Variants in DUXB observed in about 807,000 individuals in gnomAD.
DUXB encodes double homeobox B.
Under a neutral mutation model 8.9 loss-of-function variants are expected in DUXB, and 22 were observed. The observed-to-expected ratio is 2.46, with a 90% CI of 1.76 to 3.52. DUXB has a LOEUF of 3.52. DUXB is among the 30% of genes most tolerant of loss of function. DUXB has a pLI of 0.00. For synonymous variants in DUXB, 84 were observed against 37.6 expected (o/e 2.23, Z -4.52); for missense variants, 237 against 108.7 (o/e 2.18, Z -5.25).
intron 1 of DUXB, among the ~76,000 whole-genome samples, chr16:75,700,463 T>A (rs1032887278): frequency 2.6e-5 from 4 of 151,896 alleles, no homozygotes; most frequent in Non-Finnish European, 5.9e-5. Context: ...AACTCCTGGG[T>A]TCAATTGATC....
intron 4 of DUXB, 23 bp from the exon 5 acceptor site, chr16:75,694,548 T>C (rs1462506963): frequency 2.8e-6 from 2 of 702,902 alleles, no homozygotes; most frequent in Non-Finnish European, 2.6e-6. Flanking sequence ...AAGGGCAACA[T>C]GACATCATAA....
At chr16:75,701,320 T>A in intron 1 of DUXB, 74 bp downstream of exon 1, 1 of 398,484 alleles carries the variant, frequency 2.5e-6, no homozygotes, top group Non-Finnish European at 4.4e-6. Context: ...TGCTATAAAC[T>A]TTGACAAACT....
rs1236264409 is a variant in DUXB at position 75,696,870 on chromosome 16, TG to T, written c.253del (p.Gln85ArgfsTer9). On this transcript the variant is annotated frameshift_variant, in exon 3 of 5. Transcript: ENST00000633875. LOFTEE classifies it high-confidence loss of function. ...CAGATGCTGGGACTGGTCATGCCCC[TG>T]GGTTTGATCTTTTTCTGAGAAGCAC... ...YKCFSEKDQT[Q>X]GHDQSQHLTQ... The T allele has an allele frequency of 5.7e-6, 4 of 702,996 alleles. No homozygotes were observed. Among genetic ancestry groups the T allele is most frequent in the Non-Finnish European group, 7.8e-6 (3 of 385,004 alleles). 43.5% of individuals were successfully genotyped at this position (702,996 alleles called of 1,614,324 possible).
At chr16:75,699,931 T>C in intron 2 of DUXB, 84 bp downstream of exon 2, 1 of 579,678 alleles carries the variant, frequency 1.7e-6, no homozygotes, top group East Asian at 2.9e-5. Flanking sequence ...TAACCTGATA[T>C]AAGAGAATTG....
chr16:75,694,631 A>G (rs2082591071), intron 4 of DUXB, 106 bp from the exon 5 acceptor site: 3 of 651,850 alleles, frequency 4.6e-6, no homozygotes, highest in Non-Finnish European at 8.2e-6. Flanking sequence ...GACAAATCAC[A>G]GGGTGATTTT....
In DUXB at chr16:75,696,122, G is replaced by A. The variant is rs762889849; in HGVS notation, c.287-7C>T. 5 of 684,574 alleles carry A rather than the reference G, an allele frequency of 7.3e-6. No homozygotes were observed. The highest frequency in any genetic ancestry group is 2.8e-5 in the East Asian group (1 of 36,106). The allele number at this position is 684,574 out of a possible 1,614,324, so 42.4% of individuals were successfully genotyped here. A position where few individuals can be genotyped will look rare whatever the true frequency, so the allele number is the denominator to read the frequency against. ...GCTTCTTTAGGTAAGTATTCTAAAG[G>A]AGAACACAGAAGCTGTTGGGGAATT... is the stretch of plus-strand genomic sequence containing the variant. On this transcript the variant is annotated splice_polypyrimidine_tract_variant and splice_region_variant and intron_variant, in intron 3 of 4. Coordinates refer to ENST00000633875, the MANE Select transcript of DUXB (RefSeq NM_001351307.2).
intron 1 of DUXB, among the ~76,000 whole-genome samples, chr16:75,700,708 C>T (rs958610690): frequency 3.3e-5 from 5 of 151,842 alleles, no homozygotes; most frequent in East Asian, 1.9e-4. Context: ...AGGGTTTCAC[C>T]GTGTTAGCCA....
intron 2 of DUXB, 127 bp downstream of exon 2, chr16:75,699,888 A>T (rs1293402878): frequency 3.9e-6 from 2 of 514,790 alleles, no homozygotes; most frequent in African/African-American, 3.9e-5. Flanking sequence ...ATTTTGTAGA[A>T]CAGGAAAACG....
At chr16:75,700,263 C>A in intron 1 of DUXB, 94 bp from the exon 2 acceptor site, 1 of 588,868 alleles carries the variant, frequency 1.7e-6, no homozygotes. Context: ...GAGACAGAGT[C>A]TCACTCTGTC....
At position 75,694,359 on chromosome 16, in the gene DUXB, G is replaced by A. The variant is rs1321971687; in HGVS notation, c.608C>T (p.Ser203Phe). The A allele has an allele frequency of 3.0e-6, 2 of 662,810 alleles. No individual in the cohort carries two copies. The highest frequency in any genetic ancestry group is 5.4e-5 in the East Asian group (2 of 36,818). The allele number at this position is 662,810 out of a possible 1,614,324, so 41.1% of individuals were successfully genotyped here. ...TGGAAGAGTTTCATGCCCGCTGGAA[G>A]AATGTGAGCAAGAAAAATAATGAGA... ...DSSHYFSCSH[S>F]SSGHETLPPV... Residue 203 changes from serine to phenylalanine, a missense_variant, in exon 5 of 5, where the codon TCT (serine) becomes TTT (phenylalanine). Transcript: ENST00000633875.
At chr16:75,695,609 A>G (rs1045098755) in intron 4 of DUXB, among the ~76,000 whole-genome samples, 6 of 152,214 alleles carry the variant, frequency 3.9e-5, no homozygotes, top group African/African-American at 1.4e-4. Flanking sequence ...CTTTACTGGT[A>G]TCTAGATGGT....
intron 2 of DUXB, among the ~76,000 whole-genome samples, chr16:75,697,238 GTC>G (rs1361426947): frequency 4.0e-5 from 6 of 151,872 alleles, no homozygotes; most frequent in Admixed American, 3.9e-4. Flanking sequence ...ATCGCTCTCT[GTC>G]TCTCTCTTTC....
At chr16:75,699,654 G>A (rs959849648) in intron 2 of DUXB, among the ~76,000 whole-genome samples, 4 of 134,022 alleles carry the variant, frequency 3.0e-5, no homozygotes, top group African/African-American at 1.2e-4. Context: ...CCCCTCCCGG[G>A]TTCACGCCAT....
chr16:75,700,572 C>T (rs1246527940), intron 1 of DUXB, among the ~76,000 whole-genome samples: 1 of 151,998 alleles, frequency 6.6e-6, no homozygotes, highest in Non-Finnish European at 1.5e-5. Context: ...GGCTGGAGTG[C>T]AGTGGTACCA....
chr16:75,698,364 G>T (rs1446685100), intron 2 of DUXB, among the ~76,000 whole-genome samples: 3 of 152,158 alleles, frequency 2.0e-5, no homozygotes, highest in Non-Finnish European at 4.4e-5. Flanking sequence ...CTCTCAGACT[G>T]AGATCCTTAT....
intron 4 of DUXB, among the ~76,000 whole-genome samples, chr16:75,695,283 C>G (rs2082596606): frequency 6.6e-6 from 1 of 152,234 alleles, no homozygotes; most frequent in Non-Finnish European, 1.5e-5. Flanking sequence ...CAAAAAAGAT[C>G]TCTTGACCAG....
At chr16:75,701,272 G>C in intron 1 of DUXB, 122 bp downstream of exon 1, 1 of 397,666 alleles carries the variant, frequency 2.5e-6, no homozygotes, top group East Asian at 3.6e-5. Flanking sequence ...GCGAAAAACA[G>C]CTGCTGCTCT....
chr16:75,696,240 T>G (rs898663970), intron 3 of DUXB, 125 bp from the exon 4 acceptor site: 4 of 621,216 alleles, frequency 6.4e-6, no homozygotes, highest in African/African-American at 3.7e-5. Flanking sequence ...AGGTCATTGC[T>G]CTGCAGCAGG....
At chr16:75,695,213 ATC>A (rs1183643585) in intron 4 of DUXB, among the ~76,000 whole-genome samples, 3 of 152,216 alleles carry the variant, frequency 2.0e-5, no homozygotes, top group Non-Finnish European at 4.4e-5. Flanking sequence ...GGTGAGTTGA[ATC>A]TCTGACTGGA....
Sources: gnomAD v4.1 joint callset for allele counts (sites outside exome capture counted in the v4.1 genomes callset) on GRCh38, gnomAD v4.1.1 for gene constraint, MANE v1.5 for transcripts, NCBI Gene and HGNC (gene_info 2026-07-23, HGNC 2026-07-21) for gene names.